The following WASHC5 variants were observed in gnomAD, a reference collection of about 807,000 sequenced individuals.
WASHC5 encodes the protein WASH complex subunit strumpellin.
In WASHC5, 101 loss-of-function variants were observed where a neutral mutation model predicts 150.4. That is an observed-to-expected ratio of 0.67 (90% confidence interval 0.57 to 0.79). WASHC5 has a LOEUF of 0.79. Ranked by LOEUF, WASHC5 falls within the 30% of genes least tolerant of loss-of-function variation. The pLI, the probability that WASHC5 is intolerant of heterozygous loss-of-function variation, is 0.00. For missense variants in WASHC5, 1,195 were observed against 1,396.3 expected (o/e 0.86, Z 2.30); for synonymous variants, 467 against 491.2 (o/e 0.95, Z 0.65).
chr8:125,066,894 C>A (rs1299830105), intron 10 of WASHC5, among the ~76,000 whole-genome samples: 1 of 152,226 alleles, frequency 6.6e-6, no homozygotes, highest in Non-Finnish European at 1.5e-5. Flanking sequence ...TTCAGAAGCT[C>A]TTGCGTCTCT....
chr8:125,052,476 C>T (rs1313766567), intron 17 of WASHC5, among the ~76,000 whole-genome samples: 2 of 147,236 alleles, frequency 1.4e-5, no homozygotes, highest in Non-Finnish European at 2.9e-5. Context: ...AAATATCCAT[C>T]CTTACACATA....
At chr8:125,076,052 T>C (rs1056179311) in intron 7 of WASHC5, among the ~76,000 whole-genome samples, 1 of 152,214 alleles carries the variant, frequency 6.6e-6, no homozygotes, top group Non-Finnish European at 1.5e-5. Flanking sequence ...AAATAAATTC[T>C]TACACAACTT....
intron 27 of WASHC5, among the ~76,000 whole-genome samples, chr8:125,031,811 C>T (rs1322576412): frequency 6.6e-6 from 1 of 152,192 alleles, no homozygotes; most frequent in Non-Finnish European, 1.5e-5. Context: ...ATTTGCTTCT[C>T]TACATGCAGA....
At chr8:125,069,476 T>G (rs568419347) in intron 9 of WASHC5, among the ~76,000 whole-genome samples, 1 of 152,250 alleles carries the variant, frequency 6.6e-6, no homozygotes, top group Non-Finnish European at 1.5e-5. Flanking sequence ...TAGTATTACA[T>G]GTGCCCCCTC....
intron 26 of WASHC5, among the ~76,000 whole-genome samples, chr8:125,034,371 T>C (rs773901559): frequency 7.9e-5 from 12 of 152,120 alleles, no homozygotes; most frequent in African/African-American, 2.9e-4. Flanking sequence ...TGGTGATGCA[T>C]GCTTGTAGCC....
chr8:125,056,918 GA>G, intron 15 of WASHC5, 101 bp from the exon 16 acceptor site: 2 of 1,401,046 alleles, frequency 1.4e-6, no homozygotes, highest in Non-Finnish European at 1.0e-6. Flanking sequence ...GGGGGATGCT[GA>G]AAAATGTAAA....
chr8:125,065,132 T>C (rs1200425736), intron 10 of WASHC5, among the ~76,000 whole-genome samples: 1 of 152,156 alleles, frequency 6.6e-6, no homozygotes, highest in Non-Finnish European at 1.5e-5. Context: ...GGATGGTCCC[T>C]GAATTAGGAA....
chr8:125,077,129 C>G (rs1202711984), intron 6 of WASHC5, among the ~76,000 whole-genome samples: 3 of 152,206 alleles, frequency 2.0e-5, no homozygotes, highest in Non-Finnish European at 4.4e-5. Flanking sequence ...TACTAGAAAT[C>G]TTTGGATGCA....
chr8:125,058,540 A>G (rs539654389), intron 14 of WASHC5, among the ~76,000 whole-genome samples: 1 of 152,280 alleles, frequency 6.6e-6, no homozygotes, highest in East Asian at 1.9e-4. Context: ...TGAGGTTAGG[A>G]ATTCAAGACC....
At position 125,067,109 on chromosome 8, in the gene WASHC5, G is replaced by C. The variant is rs562511662; in HGVS notation, c.1278+483C>G. Among the ~76,000 whole-genome samples the C allele has an allele frequency of 1.5e-4, 23 of 152,264 alleles. No homozygotes were observed. The South Asian group carries it at 1.9e-3, about 12-fold the overall frequency. On this transcript the variant is annotated intron_variant, in intron 10 of 28. Coordinates refer to ENST00000318410, the MANE Select transcript of WASHC5 (RefSeq NM_014846.4). Reference sequence around the variant, plus strand: ...GGCCCACTGCAACCTCCGCCTCCCAGGTTCAAGTGATTCTCATGCCTCAGC... The same window carrying C: ...GGCCCACTGCAACCTCCGCCTCCCACGTTCAAGTGATTCTCATGCCTCAGC...
At chr8:125,029,766 G>T (rs1405428308) in intron 27 of WASHC5, among the ~76,000 whole-genome samples, 1 of 152,184 alleles carries the variant, frequency 6.6e-6, no homozygotes, top group Non-Finnish European at 1.5e-5. Flanking sequence ...GTGTTAAAAC[G>T]ATTTCCAATT....
intron 7 of WASHC5, 80 bp downstream of exon 7, chr8:125,076,268 C>A: frequency 7.6e-7 from 1 of 1,313,640 alleles, no homozygotes; most frequent in South Asian, 1.2e-5. Context: ...ACATTACAAC[C>A]TGTGGGTTAA....
intron 27 of WASHC5, among the ~76,000 whole-genome samples, chr8:125,029,448 C>G (rs1317100493): frequency 6.6e-6 from 1 of 152,198 alleles, no homozygotes; most frequent in Admixed American, 6.5e-5. Context: ...CAGCATTCTC[C>G]AAGCCTCTTA....
At chr8:125,047,658 G>A (rs991923626) in intron 19 of WASHC5, among the ~76,000 whole-genome samples, 5 of 152,092 alleles carry the variant, frequency 3.3e-5, no homozygotes, top group East Asian at 1.9e-4. Flanking sequence ...GGCTGATCTC[G>A]AACTCCTGAT....
In WASHC5 at chr8:125,024,634, A is replaced by G; in HGVS notation, c.3463T>C (p.Phe1155Leu). 1.2e-6 allele frequency: 2 copies of G among 1,610,774 alleles called. No individual in the cohort carries two copies. The highest frequency in any genetic ancestry group is 8.5e-7 in the Non-Finnish European group (1 of 1,177,028). ...AAAAACAGTTACAGCACTGTTCTGAACTCATCAAAAATGAAATTAGGCACA... is the reference window on the plus strand; with the variant it reads ...AAAAACAGTTACAGCACTGTTCTGAGCTCATCAAAAATGAAATTAGGCACA... ...AHVPNFIFDE[F>L]RTVL The change falls in exon 29 of 29, where the codon TTC becomes CTC. Residue 1155 changes from phenylalanine (F) to leucine (L), a missense_variant. By Grantham distance (22) the Phe-to-Leu change is conservative. This residue lies in a region of WASHC5 where 997 missense variants were observed against 1,168.1 expected (regional missense o/e 0.85). Transcript: ENST00000318410.
At chr8:125,079,818 G>T (rs1175370626) in intron 5 of WASHC5, among the ~76,000 whole-genome samples, 5 of 152,120 alleles carry the variant, frequency 3.3e-5, no homozygotes, top group Non-Finnish European at 7.3e-5. Context: ...ATCAGGTTTT[G>T]CTGCCAAATG....
chr8:125,062,940 G>A (rs1384891876), intron 11 of WASHC5, among the ~76,000 whole-genome samples: 2 of 152,076 alleles, frequency 1.3e-5, no homozygotes, highest in African/African-American at 4.8e-5. Flanking sequence ...TTTCCTAGAA[G>A]AAGTAGGATC....
chr8:125,083,001 A>G, intron 3 of WASHC5, 112 bp downstream of exon 3: 1 of 738,390 alleles, frequency 1.4e-6, no homozygotes, highest in Non-Finnish European at 2.3e-6. Context: ...ATACAGTATA[A>G]ACTAAATTAG....
rs117915955 is a variant in WASHC5 at position 125,055,820 on chromosome 8, C to T, written c.2017-149G>A. The T allele has an allele frequency of 4.8e-4, 324 of 679,780 alleles. 2 individuals carry two copies. The highest frequency in any genetic ancestry group is 8.1e-4 in the Non-Finnish European group (306 of 375,712). 42.1% of individuals were successfully genotyped at this position (679,780 alleles called of 1,614,324 possible). A position where few individuals can be genotyped will look rare whatever the true frequency, so the allele number is the denominator to read the frequency against. The stretch of plus-strand genomic sequence containing the variant: ...GCTCTGTGGTACAACTGAAAGCCCA[C>T]TGTTAGACATATTGGGTAACAGAGT... On this transcript the variant is annotated intron_variant, in intron 16 of 28. Coordinates refer to ENST00000318410, the MANE Select transcript of WASHC5 (RefSeq NM_014846.4).
Sources: gnomAD v4.1 joint callset for allele counts (sites outside exome capture counted in the v4.1 genomes callset) on GRCh38, gnomAD v4.1.1 for gene constraint, gnomAD v4.1.1 regional missense constraint, MANE v1.5 for transcripts, NCBI Gene and HGNC (gene_info 2026-07-23, HGNC 2026-07-21) for gene names.